Variants in NYX observed in about 807,000 individuals in gnomAD.
NYX encodes leucine-rich repeat protein.
For missense variants in NYX, 481 were observed against 485.4 expected, an observed-to-expected ratio of 0.99 and a Z score of 0.09; for synonymous variants, 258 against 245.7, an observed-to-expected ratio of 1.05 and a Z score of -0.47.
chrX:41,466,787 C>CTTTTTTT (rs747247175), intron 2 of NYX, among the ~76,000 whole-genome samples: 3 of 20,505 alleles, frequency 1.5e-4, no homozygotes, highest in African/African-American at 2.0e-4. Flanking sequence ...CCAGACTGGT[C>CTTTTTTT]TTTTTTTTTT....
At position 41,473,774 on chromosome X, in the gene NYX, G is replaced by C; in HGVS notation, c.306G>C (p.Lys102Asn). 1.7e-6 allele frequency: 2 copies of C among 1,143,756 alleles called. No homozygotes were observed. Among genetic ancestry groups the C allele is most frequent in the Non-Finnish European group, 2.3e-6 (2 of 867,639 alleles). The allele number at this position is 1,143,756 out of a possible 1,213,427, so 94.3% of individuals were successfully genotyped here. ...CCTTCATCACGCCCGGCGCCTTCAA[G>C]GGCCTGCCGCGCCTGGCTGAGCTGC... ...NLSFITPGAFKGLPRLAELRL... is the reference protein window; with the variant it reads ...NLSFITPGAFNGLPRLAELRL... Residue 102 changes from lysine (K) to asparagine (N), a missense_variant, in exon 3 of 3, where the codon AAG becomes AAC. Transcript: ENST00000378220.
In NYX at chrX:41,447,970, G is replaced by A. The variant is rs189197725; in HGVS notation, c.22+44G>A. 2.6e-4 allele frequency: 301 copies of A among 1,160,825 alleles called. 1 individual carries two copies. In the African/African-American group the frequency reaches 4.3e-3, roughly 17 times the overall value. On this transcript the variant is annotated intron_variant, in intron 2 of 2. Transcript: ENST00000378220. ...GGGTGCAAGGGTTGGGAAGAGGGGT[G>A]GAAGCCACAGAGCTTCTGCCCAAAG...
chrX:41,468,796 G>T (rs2064349589), intron 2 of NYX, among the ~76,000 whole-genome samples: 1 of 111,642 alleles, frequency 9.0e-6, no homozygotes, highest in African/African-American at 3.3e-5. Flanking sequence ...CCTGATGCCT[G>T]ATACTTGACC....
At chrX:41,450,697 G>A (rs2064276062) in intron 2 of NYX, among the ~76,000 whole-genome samples, 1 of 102,751 alleles carries the variant, frequency 9.7e-6, no homozygotes, top group Non-Finnish European at 2.0e-5. Context: ...CCAGGCTGAA[G>A]TGCAGTGGTA....
intron 2 of NYX, among the ~76,000 whole-genome samples, chrX:41,470,342 A>T (rs1455612822): frequency 1.8e-5 from 2 of 111,810 alleles, no homozygotes; most frequent in Non-Finnish European, 3.8e-5. Flanking sequence ...CATTAATTTT[A>T]ATATTTTATT....
At chrX:41,471,125 G>T (rs758640398) in intron 2 of NYX, among the ~76,000 whole-genome samples, 28 of 110,865 alleles carry the variant, frequency 2.5e-4, no homozygotes, top group Non-Finnish European at 4.2e-4. Flanking sequence ...TTTTTTGGAG[G>T]GGGGGGATGG....
intron 2 of NYX, among the ~76,000 whole-genome samples, 193 bp from the exon 3 acceptor site, chrX:41,473,298 T>G (rs757282108): frequency 6.3e-5 from 7 of 110,518 alleles, no homozygotes; most frequent in Non-Finnish European, 1.3e-4. Context: ...AGCGGGTGTC[T>G]TAGGTGGATA....
At chrX:41,450,845 T>TTGGG (rs2064277311) in intron 2 of NYX, among the ~76,000 whole-genome samples, 1 of 89,378 alleles carries the variant, frequency 1.1e-5, no homozygotes, top group Non-Finnish European at 2.2e-5. Flanking sequence ...TTTTTTTTTT[T>TTGGG]TTTTTTTTTT....
chrX:41,474,051 A>AGCTCGCG lies in NYX; in HGVS notation c.589_590insGGCTCGC (p.Leu197ArgfsTer77). 1 of 1,059,986 alleles carries AGCTCGCG rather than the reference A, an allele frequency of 9.4e-7. No individual in the cohort carries two copies. The highest frequency in any genetic ancestry group is 4.4e-5 in the Admixed American group (1 of 22,876). 87.4% of individuals were successfully genotyped at this position (1,059,986 alleles called of 1,213,427 possible). ...CGGCCGCATCGAGGCGGTGGCCTCC[A>AGCTCGCG]GCTCGCTGCAGGGCCTGCGCCGCCT... is the stretch of plus-strand genomic sequence containing the variant. On this transcript the variant is annotated frameshift_variant, in exon 3 of 3. Transcript: ENST00000378220. LOFTEE classifies it low-confidence loss of function (END_TRUNC).
chrX:41,454,858 T>C (rs1490037489), intron 2 of NYX, among the ~76,000 whole-genome samples: 2 of 109,233 alleles, frequency 1.8e-5, no homozygotes, highest in Non-Finnish European at 3.8e-5. Flanking sequence ...CTTCCCACCT[T>C]GGCTTCCCAA....
intron 2 of NYX, among the ~76,000 whole-genome samples, chrX:41,467,758 A>G (rs1293589568): frequency 9.0e-6 from 1 of 111,052 alleles, no homozygotes; most frequent in African/African-American, 3.3e-5. Flanking sequence ...CCTGGGCTCA[A>G]GTAATCTTCC....
chrX:41,475,039 G>A lies in NYX; in HGVS notation c.*140G>A, dbSNP rs1011570912. The A allele has an allele frequency of 2.0e-5, 11 of 549,293 alleles. No homozygotes were observed. The African/African-American group carries it at 2.3e-4, about 11-fold the overall frequency. The allele number at this position is 549,293 out of a possible 1,213,427, so 45.3% of individuals were successfully genotyped here. On this transcript the variant is annotated 3_prime_UTR_variant, in exon 3 of 3. Transcript: ENST00000378220. ...GTTTGCCTCCAGAGATGGCCCCAGGGAGAACACAGGGACGTGCCACTCGAG... is the reference window on the plus strand; with the variant it reads ...GTTTGCCTCCAGAGATGGCCCCAGGAAGAACACAGGGACGTGCCACTCGAG...
In NYX at chrX:41,475,100, G is replaced by C. The variant is rs889858342; in HGVS notation, c.*201G>C. ...GTATGGATTTCTGCTTTTGTCACAC[G>C]GGCATCCATTGGAAAAGAGAAGCAA... On this transcript the variant is annotated 3_prime_UTR_variant, in exon 3 of 3. Transcript: ENST00000378220. 2.2e-6 allele frequency: 1 copy of C among 448,678 alleles called. No homozygotes were observed. Among genetic ancestry groups the C allele is most frequent in the African/African-American group, 2.4e-5 (1 of 41,033 alleles). 37.0% of individuals were successfully genotyped at this position (448,678 alleles called of 1,213,427 possible). A position where few individuals can be genotyped will look rare whatever the true frequency, so the allele number is the denominator to read the frequency against.
chrX:41,460,859 G>A (rs1455120040), intron 2 of NYX, among the ~76,000 whole-genome samples: 1 of 94,963 alleles, frequency 1.1e-5, no homozygotes, highest in Non-Finnish European at 2.0e-5. Context: ...TTATGTAAGC[G>A]GAGTCACACA....
chrX:41,473,860 G>A lies in NYX; in HGVS notation c.392G>A (p.Arg131His). The part of the protein sequence containing the change: ...LHARTFAALS[R>H]LRRLDLAACR... Reference sequence around the variant, plus strand: ...GCGCGCACCTTCGCGGCGCTCAGCCGCCTGCGCCGCCTAGACCTAGCAGCC... The same window carrying A: ...GCGCGCACCTTCGCGGCGCTCAGCCACCTGCGCCGCCTAGACCTAGCAGCC... The change falls in exon 3 of 3, where the codon CGC becomes CAC. Residue 131 changes from arginine to histidine, a missense_variant. By Grantham distance (29) the Arg-to-His change is conservative (BLOSUM62 0). Transcript: ENST00000378220. 1 of 1,108,282 alleles carries A rather than the reference G, an allele frequency of 9.0e-7. No homozygotes were observed. The allele number at this position is 1,108,282 out of a possible 1,213,427, so 91.3% of individuals were successfully genotyped here.
chrX:41,449,984 A>G (rs1198682775), intron 2 of NYX, among the ~76,000 whole-genome samples: 1 of 110,975 alleles, frequency 9.0e-6, no homozygotes, highest in African/African-American at 3.3e-5. Context: ...AAAGAAAATG[A>G]CTAAGTGAGC....
At chrX:41,457,885 G>A (rs933831606) in intron 2 of NYX, among the ~76,000 whole-genome samples, 2 of 111,019 alleles carry the variant, frequency 1.8e-5, no homozygotes, top group South Asian at 3.8e-4. Context: ...AGACCAGGAT[G>A]TGCAGTGTCT....
chrX:41,472,394 C>T (rs770287868), intron 2 of NYX: 3 of 1,154,300 alleles, frequency 2.6e-6, no homozygotes, highest in African/African-American at 3.5e-5. Flanking sequence ...GGTGGCCACA[C>T]GCACACCCTC....
intron 2 of NYX, among the ~76,000 whole-genome samples, chrX:41,465,531 C>CT (rs767156393): frequency 0.02 from 1,848 of 91,968 alleles, 26 homozygotes; most frequent in Non-Finnish European, 0.03. Context: ...ACCTTGAACT[C>CT]TTTTTTTTTT....
Sources: gnomAD v4.1 joint callset for allele counts (sites outside exome capture counted in the v4.1 genomes callset) on GRCh38, gnomAD v4.1.1 for gene constraint, MANE v1.5 for transcripts, NCBI Gene and HGNC (gene_info 2026-07-23, HGNC 2026-07-21) for gene names.